Variants in DIAPH2 observed in about 807,000 individuals in gnomAD.
DIAPH2 encodes diaphanous related formin 2, also known as protein diaphanous homolog 2.
A neutral mutation model predicts 92.7 loss-of-function variants in DIAPH2; 35 were observed. The ratio of observed to expected loss-of-function variants is 0.38; its 90% CI spans 0.29 to 0.50. The LOEUF is 0.50. DIAPH2 is among the 20% of genes least tolerant of loss of function. The pLI is 0.94. For synonymous variants in DIAPH2, 301 were observed against 280.4 expected (o/e 1.07, Z -0.73); for missense variants, 701 against 819.5 (o/e 0.86, Z 1.77).
intron 4 of DIAPH2, among the ~76,000 whole-genome samples, chrX:96,791,972 C>A (rs2064505507): frequency 9.0e-6 from 1 of 110,884 alleles, no homozygotes. Flanking sequence ...TGCTTCCTAC[C>A]CAAATGTGCT....
intron 23 of DIAPH2, among the ~76,000 whole-genome samples, chrX:97,307,258 A>G (rs748139285): frequency 2.8e-4 from 31 of 112,344 alleles, no homozygotes; most frequent in Non-Finnish European, 5.4e-4. Context: ...TGTATGGGAA[A>G]AAATGAAATG....
Position 97,603,448 on chromosome X carries a change from C to T in DIAPH2, c.*4131C>T, listed in dbSNP as rs142122399. The T allele has an allele frequency of 4.7e-4, 52 of 110,622 alleles. No homozygotes were observed. The highest frequency in any genetic ancestry group is 1.6e-3 in the African/African-American group (50 of 30,399). The allele number at this position is 110,622 out of a possible 1,213,427, so 9.1% of individuals were successfully genotyped here. On this transcript the variant is annotated 3_prime_UTR_variant, in exon 27 of 27. Transcript: ENST00000324765. ...AATTTTTTGCATTTTTTTGTAGAGA[C>T]TTGATCTTGCTATGTTGTCCAGGCT...
intron 1 of DIAPH2, among the ~76,000 whole-genome samples, chrX:96,718,733 A>G (rs2063971056): frequency 9.0e-6 from 1 of 111,728 alleles, no homozygotes; most frequent in Non-Finnish European, 1.9e-5. Flanking sequence ...ATAGTGCCAC[A>G]ATAAACATGA....
chrX:96,954,251 T>C (rs2065795626), intron 15 of DIAPH2: 2 of 112,259 alleles, frequency 1.8e-5, no homozygotes, highest in South Asian at 7.4e-4. Flanking sequence ...ATGTCGTATC[T>C]TGATTAAAAC....
intron 4 of DIAPH2, among the ~76,000 whole-genome samples, chrX:96,859,266 A>G (rs1308860558): frequency 9.0e-6 from 1 of 110,636 alleles, no homozygotes; most frequent in African/African-American, 3.3e-5. Flanking sequence ...TTTGAGAGCT[A>G]TAGAAAGCGA....
intron 5 of DIAPH2, among the ~76,000 whole-genome samples, chrX:96,901,936 T>C (rs1358286176): frequency 8.9e-6 from 1 of 111,892 alleles, no homozygotes; most frequent in East Asian, 2.8e-4. Flanking sequence ...CTGTAAACTT[T>C]CCTCTTAGCA....
At chrX:96,770,480 C>T (rs1417129066) in intron 4 of DIAPH2, among the ~76,000 whole-genome samples, 2 of 111,454 alleles carry the variant, frequency 1.8e-5, no homozygotes, top group Non-Finnish European at 3.8e-5. Flanking sequence ...TCTTATTTTT[C>T]CTTTTTTCTC....
chrX:97,251,623 A>G (rs1483961545), intron 23 of DIAPH2, among the ~76,000 whole-genome samples: 1 of 111,338 alleles, frequency 9.0e-6, no homozygotes, highest in Admixed American at 9.6e-5. Context: ...GGGTTTCACC[A>G]TGTTAGCCAG....
At chrX:97,101,736 GA>G (rs1262865155) in intron 20 of DIAPH2, among the ~76,000 whole-genome samples, 1 of 112,130 alleles carries the variant, frequency 8.9e-6, no homozygotes, top group African/African-American at 3.2e-5. Flanking sequence ...TTATGGAATT[GA>G]ATTACAGGAC....
chrX:97,462,025 A>G (rs971444649), intron 26 of DIAPH2, among the ~76,000 whole-genome samples: 2 of 111,287 alleles, frequency 1.8e-5, no homozygotes, highest in African/African-American at 6.5e-5. Flanking sequence ...AGGAGGGGTT[A>G]TGTTTATGTG....
intron 26 of DIAPH2, among the ~76,000 whole-genome samples, chrX:97,430,195 G>T (rs995976587): frequency 8.9e-6 from 1 of 111,853 alleles, no homozygotes; most frequent in Non-Finnish European, 1.9e-5. Context: ...TGTGATCCAT[G>T]TTAATAAAGG....
At chrX:97,263,487 C>T (rs1449621333) in intron 23 of DIAPH2, among the ~76,000 whole-genome samples, 1 of 111,307 alleles carries the variant, frequency 9.0e-6, no homozygotes, top group Non-Finnish European at 1.9e-5. Flanking sequence ...ATGTGCTAGG[C>T]GTTTTATTAG....
chrX:96,994,410 A>G (rs1218299257), intron 17 of DIAPH2, among the ~76,000 whole-genome samples: 1 of 111,735 alleles, frequency 8.9e-6, no homozygotes, highest in East Asian at 2.8e-4. Context: ...CTTCAGACAT[A>G]ATACATTTGA....
chrX:97,040,873 A>G (rs1482597308), intron 17 of DIAPH2, among the ~76,000 whole-genome samples: 3 of 110,928 alleles, frequency 2.7e-5, no homozygotes, highest in African/African-American at 9.8e-5. Flanking sequence ...CAGAGTTCCC[A>G]TATAATTTTC....
intron 5 of DIAPH2, among the ~76,000 whole-genome samples, chrX:96,887,653 A>T (rs1196996570): frequency 9.0e-6 from 1 of 111,528 alleles, no homozygotes; most frequent in African/African-American, 3.3e-5. Flanking sequence ...ACTTTTACCT[A>T]CTAAATTTAG....
intron 26 of DIAPH2, among the ~76,000 whole-genome samples, chrX:97,557,272 C>A (rs770148088): frequency 9.0e-6 from 1 of 111,697 alleles, no homozygotes; most frequent in South Asian, 3.8e-4. Flanking sequence ...GGCACGGTGG[C>A]TCACACCTGT....
At chrX:97,029,477 T>G (rs1425617019) in intron 17 of DIAPH2, among the ~76,000 whole-genome samples, 1 of 111,623 alleles carries the variant, frequency 9.0e-6, no homozygotes, top group Non-Finnish European at 1.9e-5. Context: ...ATTCTCTGGG[T>G]TGTGTTTTCA....
chrX:97,392,668 T>C (rs1331859272), intron 25 of DIAPH2, among the ~76,000 whole-genome samples: 1 of 111,405 alleles, frequency 9.0e-6, no homozygotes, highest in African/African-American at 3.3e-5. Context: ...CAGCATGCTT[T>C]ATGTAGGATA....
intron 26 of DIAPH2, among the ~76,000 whole-genome samples, chrX:97,493,699 T>A (rs1740870438): frequency 9.9e-6 from 1 of 100,769 alleles, no homozygotes. Flanking sequence ...GCCAACGTGA[T>A]GAGACACCAT....
Sources: gnomAD v4.1 joint callset for allele counts (sites outside exome capture counted in the v4.1 genomes callset) on GRCh38, gnomAD v4.1.1 for gene constraint, MANE v1.5 for transcripts, NCBI Gene and HGNC (gene_info 2026-07-23, HGNC 2026-07-21) for gene names.